ARMH4: variants seen among roughly 807,000 people sequenced by gnomAD.
ARMH4 encodes the protein armadillo-like helical domain-containing protein 4.
ARMH4 carries 49 observed loss-of-function variants against 61.9 expected under a neutral mutation model. The ratio of observed to expected loss-of-function variants is 0.79; its 90% CI spans 0.63 to 1.00. The LOEUF is 1.00. Among genes scored for constraint, ARMH4 ranks in the 50% least tolerant of loss-of-function variants. The pLI is 0.00. For missense variants in ARMH4, 934 were observed against 930.0 expected (o/e 1.00, Z -0.06); for synonymous variants, 368 against 341.5 (o/e 1.08, Z -0.85).
intron 5 of ARMH4, among the ~76,000 whole-genome samples, chr14:58,081,386 G>C (rs891648452): frequency 1.3e-5 from 2 of 152,102 alleles, no homozygotes; most frequent in Non-Finnish European, 2.9e-5. Context: ...GATTGTGCTC[G>C]CTTGTACAAA....
At chr14:58,023,543 G>A (rs559943322) in intron 5 of ARMH4, among the ~76,000 whole-genome samples, 5 of 152,120 alleles carry the variant, frequency 3.3e-5, no homozygotes, top group South Asian at 2.1e-4. Flanking sequence ...ACCCCTCAAC[G>A]TCATCCATAA....
rs1463941253 is a variant in ARMH4, at chr14:58,001,470, G to A, written c.*3266C>T. The stretch of plus-strand genomic sequence containing the variant: ...TAGTAGTTCTATCTTAATTTTTTGA[G>A]GAATCTTCATACTGTTTTCCACAGT... On this transcript the variant is annotated 3_prime_UTR_variant, in exon 8 of 8. Transcript: ENST00000267485. The A allele has an allele frequency of 6.6e-6, 1 of 152,024 alleles. No homozygotes were observed. Among genetic ancestry groups the A allele is most frequent in the Non-Finnish European group, 1.5e-5 (1 of 68,004 alleles). The allele number at this position is 152,024 out of a possible 1,614,324, so 9.4% of individuals were successfully genotyped here.
intron 5 of ARMH4, among the ~76,000 whole-genome samples, chr14:58,075,541 G>A (rs1364991123): frequency 6.6e-6 from 1 of 151,926 alleles, no homozygotes; most frequent in Non-Finnish European, 1.5e-5. Flanking sequence ...CTCATAAGTG[G>A]GAGTTGAACC....
At chr14:58,105,010 A>G (rs1886122418) in intron 4 of ARMH4, among the ~76,000 whole-genome samples, 2 of 152,228 alleles carry the variant, frequency 1.3e-5, no homozygotes, top group Non-Finnish European at 2.9e-5. Flanking sequence ...TTCATCTTCT[A>G]TTCATAAAAA....
intron 5 of ARMH4, among the ~76,000 whole-genome samples, chr14:58,094,488 A>G (rs965849136): frequency 6.6e-6 from 1 of 152,182 alleles, no homozygotes; most frequent in African/African-American, 2.4e-5. Context: ...GTTCATCAAC[A>G]GGTGACTAGA....
intron 5 of ARMH4, among the ~76,000 whole-genome samples, chr14:58,092,921 T>C (rs562132025): frequency 2.6e-5 from 4 of 152,148 alleles, no homozygotes; most frequent in Admixed American, 2.6e-4. Flanking sequence ...TGATATGGTT[T>C]GGGTGTGCCC....
intron 5 of ARMH4, among the ~76,000 whole-genome samples, chr14:58,054,883 AAATAAT>A (rs71448938): frequency 5.1e-5 from 7 of 138,460 alleles, no homozygotes; most frequent in South Asian, 2.3e-4. Flanking sequence ...AAAAAAAAAA[AAATAAT>A]AATAATAATA....
intron 5 of ARMH4, among the ~76,000 whole-genome samples, chr14:58,026,862 T>C (rs555643486): frequency 1.1e-4 from 16 of 152,308 alleles, no homozygotes; most frequent in South Asian, 2.1e-4. Flanking sequence ...AAATAGAAGA[T>C]TGCCTACTGA....
chr14:58,124,129 A>C (rs1332525810), intron 4 of ARMH4, among the ~76,000 whole-genome samples: 1 of 152,168 alleles, frequency 6.6e-6, no homozygotes, highest in Admixed American at 6.5e-5. Context: ...GGTACAGCAA[A>C]ATAGCCAGAC....
intron 6 of ARMH4, among the ~76,000 whole-genome samples, chr14:58,008,937 A>C (rs1218703610): frequency 6.6e-6 from 1 of 152,226 alleles, no homozygotes; most frequent in Non-Finnish European, 1.5e-5. Flanking sequence ...ATTGTTATGC[A>C]TCTTCAGTTT....
intron 5 of ARMH4, among the ~76,000 whole-genome samples, chr14:58,083,446 G>A (rs1176105114): frequency 2.0e-5 from 3 of 152,124 alleles, no homozygotes; most frequent in Non-Finnish European, 4.4e-5. Context: ...AGCCAGACAT[G>A]GTGGCGTGTG....
intron 6 of ARMH4, 58 bp downstream of exon 6, chr14:58,012,061 G>A (rs1434745244): frequency 1.7e-6 from 2 of 1,198,460 alleles, no homozygotes; most frequent in Non-Finnish European, 1.2e-6. Flanking sequence ...AAGATCTTTT[G>A]CTTAATAAAG....
At chr14:58,051,261 C>T (rs1405634287) in intron 5 of ARMH4, among the ~76,000 whole-genome samples, 2 of 152,182 alleles carry the variant, frequency 1.3e-5, no homozygotes, top group East Asian at 1.9e-4. Context: ...ATTTCTAGGG[C>T]CAGCTGATGA....
chr14:58,083,456 G>T (rs1470183033), intron 5 of ARMH4, among the ~76,000 whole-genome samples: 1 of 151,866 alleles, frequency 6.6e-6, no homozygotes, highest in African/African-American at 2.4e-5. Context: ...GGTGGCGTGT[G>T]CCTGTAGTCC....
At chr14:58,047,242 C>T (rs887077647) in intron 5 of ARMH4, among the ~76,000 whole-genome samples, 2 of 152,178 alleles carry the variant, frequency 1.3e-5, no homozygotes, top group East Asian at 1.9e-4. Flanking sequence ...CAAAAATATG[C>T]TTATCTTGAT....
At chr14:58,102,320 C>T (rs1174003794) in intron 4 of ARMH4, among the ~76,000 whole-genome samples, 1 of 152,092 alleles carries the variant, frequency 6.6e-6, no homozygotes, top group Non-Finnish European at 1.5e-5. Flanking sequence ...AGCGGACAGA[C>T]TTGACATGTG....
At chr14:58,076,269 A>G (rs189704844) in intron 5 of ARMH4, among the ~76,000 whole-genome samples, 214 of 152,354 alleles carry the variant, frequency 1.4e-3, no homozygotes, top group Non-Finnish European at 7.3e-4. Flanking sequence ...ATGTGCCTGG[A>G]AAACACTGTG....
chr14:58,022,223 ACTCT>A (rs138288817), intron 5 of ARMH4, among the ~76,000 whole-genome samples: 2 of 147,720 alleles, frequency 1.4e-5, no homozygotes, highest in East Asian at 2.0e-4. Flanking sequence ...AACGTCTTCA[ACTCT>A]CTCTCTCTCT....
intron 5 of ARMH4, among the ~76,000 whole-genome samples, chr14:58,069,632 G>A (rs1378748584): frequency 3.9e-5 from 6 of 152,138 alleles, no homozygotes; most frequent in African/African-American, 1.2e-4. Flanking sequence ...TGGTGGCAGG[G>A]ATATAAAGTA....
Sources: allele counts gnomAD v4.1 joint callset (sites outside exome capture counted in the v4.1 genomes callset), GRCh38; gene constraint gnomAD v4.1.1; transcripts MANE v1.5; gene names NCBI Gene and HGNC (gene_info 2026-07-23, HGNC 2026-07-21).